Variants in RAP1GAP2 observed in about 807,000 individuals in gnomAD.
RAP1GAP2 encodes RAP1 GTPase activating protein 2.
RAP1GAP2 carries 27 observed loss-of-function variants against 95.0 expected under a neutral mutation model. The ratio of observed to expected loss-of-function variants is 0.28; its 90% CI spans 0.21 to 0.39. The LOEUF is 0.39. Ranked by LOEUF, RAP1GAP2 falls within the 10% of genes least tolerant of loss-of-function variation. RAP1GAP2 has a pLI of 1.00. For synonymous variants in RAP1GAP2, 373 were observed against 380.9 expected (o/e 0.98, Z 0.24); for missense variants, 771 against 970.0 (o/e 0.79, Z 2.72).
At chr17:2,923,906 G>T (rs2042874588) in intron 3 of RAP1GAP2, among the ~76,000 whole-genome samples, 1 of 152,140 alleles carries the variant, frequency 6.6e-6, no homozygotes, top group South Asian at 2.1e-4. Flanking sequence ...CACTGTTTGT[G>T]CTCCTTTGTA....
At chr17:2,921,587 T>C (rs960756594) in intron 3 of RAP1GAP2, among the ~76,000 whole-genome samples, 6 of 151,252 alleles carry the variant, frequency 4.0e-5, no homozygotes, top group Non-Finnish European at 3.0e-5. Context: ...GCAGGGCCTT[T>C]AAGGTGTCTG....
At chr17:3,028,275 C>T (rs1368051097) in intron 22 of RAP1GAP2, among the ~76,000 whole-genome samples, 3 of 152,036 alleles carry the variant, frequency 2.0e-5, no homozygotes, top group South Asian at 2.1e-4. Context: ...GTGTAGTCAG[C>T]GGTTCTGAGC....
chr17:2,926,559 C>G (rs928133793), intron 3 of RAP1GAP2, among the ~76,000 whole-genome samples: 18 of 152,178 alleles, frequency 1.2e-4, no homozygotes, highest in African/African-American at 4.3e-4. Flanking sequence ...CCAAAGCCAG[C>G]TTGTACTTGA....
intron 22 of RAP1GAP2, among the ~76,000 whole-genome samples, chr17:3,030,624 A>C (rs1038412833): frequency 6.6e-6 from 1 of 152,218 alleles, no homozygotes; most frequent in African/African-American, 2.4e-5. Flanking sequence ...TAAAACAGAG[A>C]AAAATAAGTA....
At chr17:2,948,367 G>C (rs1181147595) in intron 3 of RAP1GAP2, among the ~76,000 whole-genome samples, 2 of 152,252 alleles carry the variant, frequency 1.3e-5, no homozygotes, top group African/African-American at 2.4e-5. Context: ...GGGCCAGTGA[G>C]AGTCACTTCT....
intron 2 of RAP1GAP2, among the ~76,000 whole-genome samples, chr17:2,896,467 G>A (rs949485526): frequency 2.6e-5 from 4 of 152,176 alleles, no homozygotes; most frequent in South Asian, 2.1e-4. Context: ...TCCAGCTCTC[G>A]TATTTTCTGA....
At chr17:2,913,666 G>A (rs569507134) in intron 3 of RAP1GAP2, among the ~76,000 whole-genome samples, 12 of 152,220 alleles carry the variant, frequency 7.9e-5, no homozygotes, top group South Asian at 4.2e-4. Context: ...TTAAAAATTT[G>A]CAGACACAGA....
intron 2 of RAP1GAP2, among the ~76,000 whole-genome samples, chr17:2,812,450 T>C (rs1328207876): frequency 1.3e-5 from 2 of 152,092 alleles, no homozygotes; most frequent in African/African-American, 2.4e-5. Flanking sequence ...TAACTCTTCA[T>C]CCCTCAAGCT....
intron 10 of RAP1GAP2, among the ~76,000 whole-genome samples, chr17:2,981,541 G>A (rs1485685933): frequency 6.6e-6 from 1 of 152,134 alleles, no homozygotes; most frequent in African/African-American, 2.4e-5. Flanking sequence ...GTACCTCCCT[G>A]AGGCCAGTGC....
intron 4 of RAP1GAP2, among the ~76,000 whole-genome samples, chr17:2,958,275 C>T (rs904758019): frequency 1.3e-5 from 2 of 152,058 alleles, no homozygotes; most frequent in Non-Finnish European, 2.9e-5. Context: ...ATGAATGCAC[C>T]CACTTACATG....
intron 2 of RAP1GAP2, among the ~76,000 whole-genome samples, chr17:2,858,287 C>A (rs2072231990): frequency 1.3e-5 from 2 of 152,108 alleles, no homozygotes; most frequent in Non-Finnish European, 2.9e-5. Context: ...CATCATTTAG[C>A]AAATTCTGGC....
intron 3 of RAP1GAP2, among the ~76,000 whole-genome samples, chr17:2,914,884 T>C (rs898896662): frequency 6.0e-5 from 9 of 148,888 alleles, no homozygotes; most frequent in African/African-American, 2.0e-4. Context: ...CTCCACCTCC[T>C]GGGTTCAAAC....
intron 2 of RAP1GAP2, among the ~76,000 whole-genome samples, chr17:2,843,999 C>T (rs941355662): frequency 2.0e-5 from 3 of 151,804 alleles, no homozygotes; most frequent in Non-Finnish European, 2.9e-5. Flanking sequence ...AGATGGCCGG[C>T]GCGCTTTTTT....
In RAP1GAP2 at chr17:2,779,260, G is replaced by A. The variant is rs142705826; in HGVS notation, c.-14+1982G>A. ...CTCTGAGCCTCGGTTTCCTTAGCTG[G>A]GTGTTTTAAGTGTTAATAAGGCATT... On this transcript the variant is annotated intron_variant, in intron 1 of 24. Transcript: ENST00000540393. Among the ~76,000 whole-genome samples the A allele has an allele frequency of 3.5e-3, 526 of 152,290 alleles. 1 individual carries two copies. Among genetic ancestry groups the A allele is most frequent in the African/African-American group, 0.012 (504 of 41,560 alleles).
At chr17:2,868,708 A>G (rs1159590435) in intron 2 of RAP1GAP2, among the ~76,000 whole-genome samples, 2 of 151,898 alleles carry the variant, frequency 1.3e-5, no homozygotes, top group Non-Finnish European at 2.9e-5. Flanking sequence ...TAGTAGAGAC[A>G]GGGTCTCACC....
At chr17:3,023,971 C>T (rs1463990943) in intron 19 of RAP1GAP2, among the ~76,000 whole-genome samples, 1 of 152,172 alleles carries the variant, frequency 6.6e-6, no homozygotes, top group East Asian at 1.9e-4. Context: ...CATGTCCCTG[C>T]AAAGGACATG....
In RAP1GAP2 at chr17:2,840,951, T is replaced by C. The variant is rs2071349087; in HGVS notation, c.80+40401T>C. Among the ~76,000 whole-genome samples the C allele has an allele frequency of 2.0e-5, 3 of 152,008 alleles. No homozygotes were observed. The South Asian group carries it at 6.2e-4, about 32-fold the overall frequency. ...AGGTGGAGGCTGCAGTGAGCCGAGA[T>C]TGCGCCACTGCACTCCAGCCTGGGT... is the stretch of plus-strand genomic sequence containing the variant. On this transcript the variant is annotated intron_variant, in intron 2 of 24. Transcript: ENST00000254695.
At chr17:3,002,622 G>C (rs1247286476) in intron 14 of RAP1GAP2, among the ~76,000 whole-genome samples, 1 of 152,238 alleles carries the variant, frequency 6.6e-6, no homozygotes. Flanking sequence ...CTCTGGGACT[G>C]AGTAAGCCCC....
Position 2,965,403 on chromosome 17 carries a change from T to C in RAP1GAP2, c.493-137T>C, listed in dbSNP as rs1485962657. The stretch of plus-strand genomic sequence containing the variant: ...ATCCGGCCGTCGGTACCTGTTAATG[T>C]CGTTGTCATTGTCATCAGTAGCATC... On this transcript the variant is annotated intron_variant, in intron 7 of 24. Coordinates refer to ENST00000254695, the MANE Select transcript of RAP1GAP2 (RefSeq NM_015085.5). The surrounding 1 kb of genome is among the most constrained non-coding windows in gnomAD (Gnocchi z 4.7). 1.4e-6 allele frequency: 1 copy of C among 693,098 alleles called. No individual in the cohort carries two copies. Among genetic ancestry groups the C allele is most frequent in the Non-Finnish European group, 2.4e-6 (1 of 408,858 alleles). The allele number at this position is 693,098 out of a possible 1,614,324, so 42.9% of individuals were successfully genotyped here.
Sources: allele counts gnomAD v4.1 joint callset (sites outside exome capture counted in the v4.1 genomes callset), GRCh38; gene constraint gnomAD v4.1.1; non-coding constraint Gnocchi (gnomAD v3.1); transcripts MANE v1.5; gene names NCBI Gene and HGNC (gene_info 2026-07-23, HGNC 2026-07-21).